Variants in SERINC2 observed in about 807,000 individuals in gnomAD.
SERINC2 encodes the protein tumor differentially expressed protein 2.
Under a neutral mutation model 54.2 loss-of-function variants are expected in SERINC2, and 56 were observed. The observed-to-expected ratio is 1.03, with a 90% CI of 0.83 to 1.29. The LOEUF is 1.29. SERINC2 is among the 50% of genes most tolerant of loss of function. The pLI is 0.00. For synonymous variants in SERINC2, 272 were observed against 253.1 expected (o/e 1.07, Z -0.71); for missense variants, 614 against 607.4 (o/e 1.01, Z -0.12).
At chr1:31,423,606 CAGA>C in intron 1 of SERINC2, 84 bp from the exon 2 acceptor site, 1 of 1,397,070 alleles carries the variant, frequency 7.2e-7, no homozygotes, top group Non-Finnish European at 9.7e-7. Flanking sequence ...TAGCGCAGCA[CAGA>C]TGCGCCGACC....
chr1:31,431,609 C>A (rs1025954384), intron 8 of SERINC2, among the ~76,000 whole-genome samples: 1 of 152,246 alleles, frequency 6.6e-6, no homozygotes, highest in Admixed American at 6.5e-5. Flanking sequence ...GGCACATGCA[C>A]TGCTGAGAGC....
At position 31,413,238 on chromosome 1, in the gene SERINC2, C is replaced by A. The variant is rs1640688330; in HGVS notation, c.-28C>A. The A allele has an allele frequency of 6.9e-6, 8 of 1,154,580 alleles. No homozygotes were observed. The highest frequency in any genetic ancestry group is 3.8e-5 in the South Asian group (1 of 26,210). The allele number at this position is 1,154,580 out of a possible 1,614,324, so 71.5% of individuals were successfully genotyped here. On this transcript the variant is annotated 5_prime_UTR_variant, in exon 1 of 10. Coordinates refer to ENST00000373709, the MANE Select transcript of SERINC2 (RefSeq NM_178865.5). The surrounding 1 kb of genome is among the most constrained non-coding windows in gnomAD (Gnocchi z 5.0). Reference sequence around the variant, plus strand: ...GAGGTCCGCGCCCCGCGCCCGGCGCCGGGCGCCCGAAGCCGGGAGCCGCCG... The same window carrying A: ...GAGGTCCGCGCCCCGCGCCCGGCGCAGGGCGCCCGAAGCCGGGAGCCGCCG...
chr1:31,424,927 G>A (rs552424781), intron 3 of SERINC2, 54 bp downstream of exon 3: 18 of 1,458,656 alleles, frequency 1.2e-5, no homozygotes, highest in East Asian at 4.7e-5. Context: ...TGCCTTGCCC[G>A]CTCCTCTGCC....
chr1:31,434,031 C>G (rs1252289125), intron 9 of SERINC2, 33 bp from the exon 10 acceptor site: 1 of 1,608,122 alleles, frequency 6.2e-7, no homozygotes, highest in Non-Finnish European at 8.5e-7. Flanking sequence ...CCAGACTGGG[C>G]ACCAGGCTCA....
At chr1:31,414,140 G>C in intron 1 of SERINC2, 1 of 1,417,166 alleles carries the variant, frequency 7.1e-7, no homozygotes, top group South Asian at 1.5e-5. Context: ...GGGTGTGCGC[G>C]GGGAGTGCCC....
At chr1:31,432,167 GGGTGGATAGGGTGGAT>G (rs1641305373) in intron 8 of SERINC2, among the ~76,000 whole-genome samples, 3 of 146,432 alleles carry the variant, frequency 2.0e-5, no homozygotes, top group Admixed American at 6.9e-5. Flanking sequence ...AGGGTGGATA[GGGTGGATAGGGTGGAT>G]AGGGTGGTTA....
chr1:31,432,080 T>TGGAGAG (rs1557501026), intron 8 of SERINC2, among the ~76,000 whole-genome samples: 13 of 114,602 alleles, frequency 1.1e-4, no homozygotes, highest in Admixed American at 1.7e-4. Flanking sequence ...GTGGACAGGG[T>TGGAGAG]GGTTAGGGTG....
intron 1 of SERINC2, among the ~76,000 whole-genome samples, chr1:31,418,983 C>G (rs1640843718): frequency 6.6e-6 from 1 of 152,220 alleles, no homozygotes; most frequent in South Asian, 2.1e-4. Flanking sequence ...GCCAAGGAAC[C>G]TTGCAGCTGT....
upstream of SERINC2, among the ~76,000 whole-genome samples, chr1:31,410,903 G>C (rs184625044): frequency 3.7e-4 from 57 of 152,296 alleles, no homozygotes; most frequent in Non-Finnish European, 6.5e-4. Context: ...CCTGGGACGG[G>C]AGCATGTGAG....
intron 1 of SERINC2, among the ~76,000 whole-genome samples, chr1:31,423,205 T>A (rs1553132949): frequency 6.6e-6 from 1 of 151,614 alleles, no homozygotes; most frequent in Non-Finnish European, 1.5e-5. Context: ...CGGGGAAAAA[T>A]TAAGTGGGGA....
At chr1:31,410,514 G>A, upstream of SERINC2, 3 of 1,534,112 alleles carry the variant, frequency 2.0e-6, no homozygotes, top group Non-Finnish European at 2.6e-6. Flanking sequence ...CAGGACAGTG[G>A]CAGCATATTA....
At chr1:31,410,209 G>T (rs1375057408), upstream of SERINC2, 11 of 1,442,102 alleles carry the variant, frequency 7.6e-6, no homozygotes, top group Non-Finnish European at 9.1e-6. Context: ...CTGTGCTTTT[G>T]GGGGTGCAAG....
At chr1:31,422,310 AAC>A (rs1491171132) in intron 1 of SERINC2, among the ~76,000 whole-genome samples, 3 of 151,058 alleles carry the variant, frequency 2.0e-5, no homozygotes, top group Non-Finnish European at 3.0e-5. Context: ...AAAAAAAAAA[AAC>A]AAAAAAAGAA....
At position 31,413,362 on chromosome 1, in the gene SERINC2, C is replaced by A; in HGVS notation, c.39+58C>A. On this transcript the variant is annotated intron_variant, in intron 1 of 9. Coordinates refer to ENST00000373709, the MANE Select transcript of SERINC2 (RefSeq NM_178865.5). This position sits in a 1 kb window ranked among gnomAD's most constrained non-coding sequence, Gnocchi z 5.0. ...GCCGCCCGTTCCTGCTGCGGGCCCT[C>A]ACTTTCTTCTGTTCTGCTCCGAGTA... 1.0e-6 allele frequency: 1 copy of A among 960,020 alleles called. No homozygotes were observed. The highest frequency in any genetic ancestry group is 1.4e-6 in the Non-Finnish European group (1 of 737,212). 59.5% of individuals were successfully genotyped at this position (960,020 alleles called of 1,614,324 possible). A position where few individuals can be genotyped will look rare whatever the true frequency, so the allele number is the denominator to read the frequency against.
At chr1:31,428,573 G>A (rs1438391636) in intron 6 of SERINC2, among the ~76,000 whole-genome samples, 14 of 152,190 alleles carry the variant, frequency 9.2e-5, no homozygotes, top group African/African-American at 2.7e-4. Context: ...CTGAAGAGGC[G>A]CTGCCTGTGC....
intron 1 of SERINC2, chr1:31,414,454 T>TGTGTGAGAGAGAGAGAGAGAGAGA (rs1553131931): frequency 1.7e-6 from 1 of 603,910 alleles, no homozygotes; most frequent in African/African-American, 3.0e-5. Flanking sequence ...TGTGTGTGTG[T>TGTGTGAGAGAGAGAGAGAGAGAGA]GAGAGAGAGA....
chr1:31,414,544 G>A, intron 1 of SERINC2: 6 of 990,460 alleles, frequency 6.1e-6, no homozygotes, highest in Non-Finnish European at 6.0e-6. Context: ...AATGAGATCA[G>A]CATAGACAGC....
At chr1:31,429,194 C>A in intron 7 of SERINC2, 126 bp downstream of exon 7, 1 of 1,037,678 alleles carries the variant, frequency 9.6e-7, no homozygotes, top group South Asian at 1.4e-5. Flanking sequence ...GAGACTCAGT[C>A]CTCCCATGAG....
intron 8 of SERINC2, among the ~76,000 whole-genome samples, chr1:31,431,207 C>T (rs779836755): frequency 1.3e-5 from 2 of 151,756 alleles, no homozygotes; most frequent in Non-Finnish European, 2.9e-5. Context: ...TCACTGTAGC[C>T]TCAAACTCCT....
Sources: allele counts gnomAD v4.1 joint callset (sites outside exome capture counted in the v4.1 genomes callset), GRCh38; gene constraint gnomAD v4.1.1; non-coding constraint Gnocchi (gnomAD v3.1); transcripts MANE v1.5; gene names NCBI Gene and HGNC (gene_info 2026-07-23, HGNC 2026-07-21).